ST6GALNAC3: variants seen among roughly 807,000 people sequenced by gnomAD.
ST6GALNAC3 encodes ST6 N-acetylgalactosaminide alpha-2,6-sialyltransferase 3, also known as alpha-N-acetylgalactosaminide alpha-2,6-sialyltransferase 3.
ST6GALNAC3 carries 25 observed loss-of-function variants against 32.7 expected under a neutral mutation model. The observed-to-expected ratio is 0.76, with a 90% confidence interval of 0.56 to 1.07. The LOEUF is 1.07. Among genes scored for constraint, ST6GALNAC3 ranks in the 50% least tolerant of loss-of-function variants. The pLI is 0.00. For missense variants in ST6GALNAC3, 355 were observed against 382.4 expected (o/e 0.93, Z 0.60); for synonymous variants, 129 against 133.1 (o/e 0.97, Z 0.21).
chr1:76,349,130 TTAAA>T (rs1648765785), intron 2 of ST6GALNAC3, among the ~76,000 whole-genome samples: 1 of 152,182 alleles, frequency 6.6e-6, no homozygotes, highest in African/African-American at 2.4e-5. Context: ...ATATGTAACA[TTAAA>T]TAATGCAAGT....
At chr1:76,627,390 T>C in intron 3 of ST6GALNAC3, 62 bp from the exon 4 acceptor site, 2 of 1,069,318 alleles carry the variant, frequency 1.9e-6, no homozygotes, top group South Asian at 2.6e-5. Context: ...CACACCTTAT[T>C]GTTCTGTGTG....
At chr1:76,585,379 C>T (rs1251583353) in intron 3 of ST6GALNAC3, among the ~76,000 whole-genome samples, 1 of 114,144 alleles carries the variant, frequency 8.8e-6, no homozygotes, top group African/African-American at 3.5e-5. Flanking sequence ...GAGTGAGACT[C>T]CTTCTCAAAA....
At chr1:76,576,579 C>T (rs1376535172) in intron 3 of ST6GALNAC3, among the ~76,000 whole-genome samples, 2 of 152,022 alleles carry the variant, frequency 1.3e-5, no homozygotes, top group Non-Finnish European at 2.9e-5. Flanking sequence ...GAGACACAGG[C>T]TGTGCAAATT....
At chr1:76,178,190 G>A (rs1652963259) in intron 1 of ST6GALNAC3, among the ~76,000 whole-genome samples, 1 of 152,208 alleles carries the variant, frequency 6.6e-6, no homozygotes, top group African/African-American at 2.4e-5. Flanking sequence ...AACCACACAG[G>A]AGAATAAACA....
intron 2 of ST6GALNAC3, among the ~76,000 whole-genome samples, chr1:76,378,797 G>A (rs1651464180): frequency 6.6e-6 from 1 of 152,162 alleles, no homozygotes; most frequent in Non-Finnish European, 1.5e-5. Context: ...CAATTCCTTA[G>A]GGTGGTGTTT....
At chr1:76,285,983 A>T (rs964627997) in intron 1 of ST6GALNAC3, among the ~76,000 whole-genome samples, 1 of 151,852 alleles carries the variant, frequency 6.6e-6, no homozygotes. Flanking sequence ...AATGAGACAG[A>T]TGGAGACACA....
At chr1:76,188,466 G>A (rs911765337) in intron 1 of ST6GALNAC3, among the ~76,000 whole-genome samples, 1 of 152,154 alleles carries the variant, frequency 6.6e-6, no homozygotes, top group Admixed American at 6.5e-5. Flanking sequence ...GACTGGTGAT[G>A]TTTCTAAGGG....
intron 1 of ST6GALNAC3, among the ~76,000 whole-genome samples, chr1:76,091,171 G>A (rs1647039924): frequency 6.6e-6 from 1 of 152,230 alleles, no homozygotes; most frequent in Non-Finnish European, 1.5e-5. Flanking sequence ...CCATGCTTCA[G>A]TGAGAATGTG....
At chr1:76,636,898 A>C (rs1649518293), downstream of ST6GALNAC3, 1 of 152,196 alleles carries the variant, frequency 6.6e-6, no homozygotes, top group African/African-American at 2.4e-5. Context: ...AATAATGTGA[A>C]ATTTCTTTTA....
At chr1:76,476,016 A>G (rs1398842802) in intron 3 of ST6GALNAC3, among the ~76,000 whole-genome samples, 1 of 152,212 alleles carries the variant, frequency 6.6e-6, no homozygotes, top group Non-Finnish European at 1.5e-5. Flanking sequence ...ATGTCCCTGC[A>G]AAGGAAATGA....
intron 2 of ST6GALNAC3, among the ~76,000 whole-genome samples, chr1:76,361,675 C>T (rs1649949575): frequency 6.6e-6 from 1 of 152,074 alleles, no homozygotes; most frequent in Non-Finnish European, 1.5e-5. Context: ...CATTCTCATA[C>T]TGCTATAAAG....
At chr1:76,599,184 T>G (rs1647181569) in intron 3 of ST6GALNAC3, among the ~76,000 whole-genome samples, 1 of 151,976 alleles carries the variant, frequency 6.6e-6, no homozygotes, top group Non-Finnish European at 1.5e-5. Context: ...CTCTTGTAAT[T>G]TTCTTATGTA....
At chr1:76,150,044 A>G (rs518915) in intron 1 of ST6GALNAC3, among the ~76,000 whole-genome samples, 126,628 of 152,154 alleles carry the variant, frequency 0.83, 53,568 homozygotes, top group East Asian at 1. Flanking sequence ...TCTTCTGCAT[A>G]CTGCAGTGTG....
At chr1:76,236,182 A>G (rs1656648108) in intron 1 of ST6GALNAC3, among the ~76,000 whole-genome samples, 2 of 152,094 alleles carry the variant, frequency 1.3e-5, no homozygotes, top group African/African-American at 4.8e-5. Context: ...CCCTGACCTC[A>G]GGTGATCCGC....
intron 3 of ST6GALNAC3, chr1:76,577,365 C>A: frequency 1.0e-6 from 1 of 974,488 alleles, no homozygotes; most frequent in Non-Finnish European, 1.2e-6. Context: ...AGAGCTATAG[C>A]CTCTTAATCT....
In ST6GALNAC3 at chr1:76,603,751, C is replaced by T. The variant is rs191354680; in HGVS notation, c.624-23701C>T. Among the ~76,000 whole-genome samples, 100 of 152,310 alleles carry T rather than the reference C, an allele frequency of 6.6e-4. 2 individuals carry two copies. In the East Asian group the frequency reaches 0.014, roughly 21 times the overall value. Reference sequence around the variant, plus strand: ...GCAGTGGCACAATCACAGCTCACTACAGCCTGGAACTCCTGAGCTCAGGCA... The same window carrying T: ...GCAGTGGCACAATCACAGCTCACTATAGCCTGGAACTCCTGAGCTCAGGCA... On this transcript the variant is annotated intron_variant, in intron 3 of 4. Coordinates refer to ENST00000328299, the MANE Select transcript of ST6GALNAC3 (RefSeq NM_152996.4).
chr1:76,542,422 C>A (rs982314323), intron 3 of ST6GALNAC3, among the ~76,000 whole-genome samples: 4 of 152,118 alleles, frequency 2.6e-5, no homozygotes, highest in African/African-American at 9.7e-5. Context: ...ATGAAGCCTG[C>A]TATGGAATTA....
intron 1 of ST6GALNAC3, among the ~76,000 whole-genome samples, chr1:76,153,915 T>C (rs1042698791): frequency 1.3e-5 from 2 of 152,100 alleles, no homozygotes; most frequent in African/African-American, 4.8e-5. Flanking sequence ...ACTTTCTCCA[T>C]TTTGGTGTCT....
chr1:76,610,383 A>C (rs1027543203), intron 3 of ST6GALNAC3, among the ~76,000 whole-genome samples: 3 of 152,184 alleles, frequency 2.0e-5, no homozygotes, highest in Admixed American at 1.3e-4. Flanking sequence ...GCTTAGAAGC[A>C]ATCATTCCTT....
Sources: allele counts gnomAD v4.1 joint callset (sites outside exome capture counted in the v4.1 genomes callset), GRCh38; gene constraint gnomAD v4.1.1; transcripts MANE v1.5; gene names NCBI Gene and HGNC (gene_info 2026-07-23, HGNC 2026-07-21).